FAM135B: variants seen among roughly 807,000 people sequenced by gnomAD.
The protein encoded by FAM135B is protein FAM135B.
Under a neutral mutation model 127.7 loss-of-function variants are expected in FAM135B, and 43 were observed. That is an observed-to-expected ratio of 0.34 (90% CI 0.26 to 0.43). The LOEUF (loss-of-function observed/expected upper bound fraction) is 0.43. Ranked by LOEUF, FAM135B falls within the 20% of genes least tolerant of loss-of-function variation. FAM135B has a pLI of 1.00. For missense variants in FAM135B, 1,558 were observed against 1,725.6 expected, an observed-to-expected ratio of 0.90 and a Z score of 1.72; for synonymous variants, 670 against 665.1, an observed-to-expected ratio of 1.01 and a Z score of -0.11.
chr8:138,374,117 A>T (rs1363751762), intron 1 of FAM135B, among the ~76,000 whole-genome samples: 1 of 152,164 alleles, frequency 6.6e-6, no homozygotes. Context: ...GCAGGGCATC[A>T]CACAACCTAT....
At chr8:138,484,873 T>C (rs578062527) in intron 1 of FAM135B, among the ~76,000 whole-genome samples, 1 of 152,324 alleles carries the variant, frequency 6.6e-6, no homozygotes, top group South Asian at 2.1e-4. Context: ...AATTCTACCT[T>C]GGGCACAAGA....
intron 4 of FAM135B, among the ~76,000 whole-genome samples, chr8:138,261,465 T>C (rs1563831964): frequency 6.6e-6 from 1 of 152,178 alleles, no homozygotes; most frequent in Non-Finnish European, 1.5e-5. Flanking sequence ...CTATCAAATA[T>C]CCAGAGGGTG....
chr8:138,320,770 G>A (rs914049484), intron 2 of FAM135B, among the ~76,000 whole-genome samples: 1 of 152,168 alleles, frequency 6.6e-6, no homozygotes, highest in African/African-American at 2.4e-5. Context: ...ATAAATGCCA[G>A]GTGAAGGAAT....
At chr8:138,338,671 A>T (rs1230397784) in intron 2 of FAM135B, among the ~76,000 whole-genome samples, 1 of 151,792 alleles carries the variant, frequency 6.6e-6, no homozygotes, top group Non-Finnish European at 1.5e-5. Context: ...GGGACTGTAA[A>T]CTAGTTCAAC....
chr8:138,377,182 T>C (rs113923736), intron 1 of FAM135B, among the ~76,000 whole-genome samples: 120 of 152,364 alleles, frequency 7.9e-4, no homozygotes, highest in African/African-American at 2.8e-3. Flanking sequence ...AAAGATTAAA[T>C]GATAATAATT....
chr8:138,235,584 GAAT>G (rs1820210854), intron 7 of FAM135B, among the ~76,000 whole-genome samples: 1 of 152,208 alleles, frequency 6.6e-6, no homozygotes, highest in African/African-American at 2.4e-5. Context: ...GGGTATAAGA[GAAT>G]AAGAAGAAGA....
Position 138,441,976 on chromosome 8 carries a change from C to G in FAM135B, c.-20+54695G>C, listed in dbSNP as rs1835796634. Reference sequence around the variant, plus strand: ...GAAAAAGAGAGAAGTGTTGGGAAATCACACACACACCGAGTGATGCAGATT... The same window carrying G: ...GAAAAAGAGAGAAGTGTTGGGAAATGACACACACACCGAGTGATGCAGATT... On this transcript the variant is annotated intron_variant, in intron 1 of 19. Coordinates refer to ENST00000395297, the MANE Select transcript of FAM135B (RefSeq NM_015912.4). 1.3e-5 allele frequency among the ~76,000 whole-genome samples: 2 copies of G among 151,458 alleles called. 1 individual carries two copies. Among genetic ancestry groups the G allele is most frequent in the South Asian group, 4.2e-4 (2 of 4,768 alleles).
chr8:138,237,359 C>T (rs1353559790), intron 7 of FAM135B, among the ~76,000 whole-genome samples: 1 of 152,030 alleles, frequency 6.6e-6, no homozygotes, highest in African/African-American at 2.4e-5. Context: ...CGGGGTTTCT[C>T]CATGTTGGCC....
intron 1 of FAM135B, among the ~76,000 whole-genome samples, chr8:138,420,672 G>C (rs1834440536): frequency 6.6e-6 from 1 of 151,496 alleles, no homozygotes; most frequent in African/African-American, 2.4e-5. Context: ...TTCCTAGGAT[G>C]ACAAGTTGTT....
intron 2 of FAM135B, among the ~76,000 whole-genome samples, chr8:138,346,031 G>T (rs111297478): frequency 0.026 from 3,925 of 152,306 alleles, 158 homozygotes; most frequent in African/African-American, 0.089. Flanking sequence ...AGACATTCAT[G>T]TGACCAACAA....
intron 7 of FAM135B, among the ~76,000 whole-genome samples, chr8:138,226,328 T>C (rs1286483417): frequency 6.6e-6 from 1 of 152,088 alleles, no homozygotes; most frequent in Non-Finnish European, 1.5e-5. Flanking sequence ...AGAGTCACTG[T>C]TGTAAACTAA....
chr8:138,359,857 C>T (rs755620547), intron 2 of FAM135B, among the ~76,000 whole-genome samples: 1 of 152,190 alleles, frequency 6.6e-6, no homozygotes, highest in Non-Finnish European at 1.5e-5. Flanking sequence ...TCAGGAAGCA[C>T]TTGACTTTCA....
intron 4 of FAM135B, among the ~76,000 whole-genome samples, 159 bp downstream of exon 4, chr8:138,265,544 G>A (rs187775338): frequency 3.7e-4 from 57 of 152,264 alleles, no homozygotes; most frequent in Admixed American, 2.4e-3. Context: ...GTAAAACAAC[G>A]AATACATAAA....
chr8:138,449,747 C>G (rs1394992224), intron 1 of FAM135B, among the ~76,000 whole-genome samples: 1 of 152,136 alleles, frequency 6.6e-6, no homozygotes, highest in Non-Finnish European at 1.5e-5. Flanking sequence ...CACATTAGAA[C>G]ATCCCCCATT....
At chr8:138,300,943 G>A (rs1041890690) in intron 3 of FAM135B, among the ~76,000 whole-genome samples, 4 of 151,728 alleles carry the variant, frequency 2.6e-5, no homozygotes, top group African/African-American at 9.7e-5. Flanking sequence ...GTAAGGGCGG[G>A]GTTTCACCAT....
At chr8:138,207,020 T>G (rs1263428045) in intron 7 of FAM135B, among the ~76,000 whole-genome samples, 1 of 152,094 alleles carries the variant, frequency 6.6e-6, no homozygotes, top group Non-Finnish European at 1.5e-5. Flanking sequence ...TACAAGCGAG[T>G]GTTGAGTGAT....
chr8:138,246,903 C>T (rs774004813), intron 6 of FAM135B, among the ~76,000 whole-genome samples: 26 of 152,340 alleles, frequency 1.7e-4, no homozygotes, highest in African/African-American at 2.6e-4. Context: ...TGCATCAGCA[C>T]GGCCTGGATG....
chr8:138,447,470 CAGCCATAAAAATGATG>C (rs1836243629), intron 1 of FAM135B, among the ~76,000 whole-genome samples: 1 of 152,166 alleles, frequency 6.6e-6, no homozygotes, highest in South Asian at 2.1e-4. Flanking sequence ...GAATACTATG[CAGCCATAAAAATGATG>C]AGTTCATGTC....
intron 1 of FAM135B, among the ~76,000 whole-genome samples, chr8:138,466,507 G>T (rs916345649): frequency 1.1e-4 from 16 of 152,180 alleles, no homozygotes; most frequent in African/African-American, 2.9e-4. Flanking sequence ...TCAGAGTGGA[G>T]GATGCCACCC....
Sources: gnomAD v4.1 joint callset for allele counts (sites outside exome capture counted in the v4.1 genomes callset) on GRCh38, gnomAD v4.1.1 for gene constraint, MANE v1.5 for transcripts, NCBI Gene and HGNC (gene_info 2026-07-23, HGNC 2026-07-21) for gene names.